Variants in AMBRA1 observed in about 807,000 individuals in gnomAD.
AMBRA1 encodes the protein activating molecule in BECN1-regulated autophagy protein 1.
A neutral mutation model predicts 125.4 loss-of-function variants in AMBRA1; 47 were observed. That is an observed-to-expected ratio of 0.37 (90% CI 0.30 to 0.48). The LOEUF (loss-of-function observed/expected upper bound fraction) is 0.48, where lower values mean the gene tolerates loss of function less well. AMBRA1 is among the 20% of genes least tolerant of loss of function. AMBRA1 has a pLI of 0.99. For synonymous variants in AMBRA1, 626 were observed against 655.5 expected (o/e 0.95, Z 0.69); for missense variants, 1,331 against 1,693.4 (o/e 0.79, Z 3.76).
chr11:46,399,943 C>T (rs1304716907), intron 17 of AMBRA1, among the ~76,000 whole-genome samples: 4 of 152,110 alleles, frequency 2.6e-5, no homozygotes, highest in Admixed American at 2.0e-4. Context: ...CACTTGCTTG[C>T]TGGGTGACCT....
rs369928404 is a variant in AMBRA1 at position 46,545,589 on chromosome 11, G to C, written c.551+15C>G. The C allele has an allele frequency of 6.2e-7, 1 of 1,612,252 alleles. No individual in the cohort carries two copies. The highest frequency in any genetic ancestry group is 1.3e-5 in the African/African-American group (1 of 74,892). On this transcript the variant is annotated intron_variant, in intron 5 of 17. Coordinates refer to ENST00000683756, the MANE Select transcript of AMBRA1 (RefSeq NM_001387011.1). ...AGTCCTGTGCCAGACAATGCAGATGGGGCAGCGCACTCACCGGACCCGTTC... is the reference window on the plus strand; with the variant it reads ...AGTCCTGTGCCAGACAATGCAGATGCGGCAGCGCACTCACCGGACCCGTTC...
chr11:46,569,436 A>ATATATATAT (rs1185545375), intron 1 of AMBRA1, among the ~76,000 whole-genome samples: 2 of 132,516 alleles, frequency 1.5e-5, no homozygotes, highest in Non-Finnish European at 1.6e-5. Context: ...ATTAAAAAAA[A>ATATATATAT]AAAAATATAT....
At position 46,544,053 on chromosome 11, in the gene AMBRA1, GAAGA is replaced by G. The variant is rs1385836048; in HGVS notation, c.552-16_552-13del. On this transcript the variant is annotated splice_polypyrimidine_tract_variant and intron_variant, in intron 5 of 17. Transcript: ENST00000683756. Reference sequence around the variant, plus strand: ...CAAATCTCACCAGACTAAAATCACAGAAGAAAGAGACAAAGACACACATAGAGAG... The same window carrying G: ...CAAATCTCACCAGACTAAAATCACAGAAGAGACAAAGACACACATAGAGAG... The G allele has an allele frequency of 3.7e-6, 6 of 1,609,992 alleles. No individual in the cohort carries two copies. Among genetic ancestry groups the G allele is most frequent in the Non-Finnish European group, 5.1e-6 (6 of 1,176,678 alleles).
At chr11:46,456,804 C>T (rs1948866162) in intron 11 of AMBRA1, among the ~76,000 whole-genome samples, 1 of 152,212 alleles carries the variant, frequency 6.6e-6, no homozygotes, top group Admixed American at 6.5e-5. Flanking sequence ...GTGGGTTTGA[C>T]TGGCAGCTTT....
At chr11:46,449,786 C>T (rs1476683118) in intron 11 of AMBRA1, among the ~76,000 whole-genome samples, 3 of 152,184 alleles carry the variant, frequency 2.0e-5, no homozygotes, top group Admixed American at 6.5e-5. Flanking sequence ...ATAGGCCGGG[C>T]GCAGTGGCTC....
intron 1 of AMBRA1, among the ~76,000 whole-genome samples, chr11:46,576,045 C>A (rs569492762): frequency 1.6e-4 from 25 of 152,284 alleles, no homozygotes; most frequent in Non-Finnish European, 3.2e-4. Context: ...AAATCACACA[C>A]TCTATGGAAG....
intron 7 of AMBRA1, among the ~76,000 whole-genome samples, chr11:46,539,425 C>T (rs1047937219): frequency 3.3e-5 from 5 of 151,908 alleles, no homozygotes; most frequent in Admixed American, 2.6e-4. Flanking sequence ...GGCGTGGTGG[C>T]GCATGCCTAT....
intron 7 of AMBRA1, among the ~76,000 whole-genome samples, chr11:46,535,576 T>C (rs1952433623): frequency 6.6e-6 from 1 of 152,188 alleles, no homozygotes; most frequent in South Asian, 2.1e-4. Flanking sequence ...CATGTAATTT[T>C]TGAACTAAAT....
At chr11:46,402,074 T>G (rs1945791096) in intron 17 of AMBRA1, among the ~76,000 whole-genome samples, 1 of 152,148 alleles carries the variant, frequency 6.6e-6, no homozygotes, top group Admixed American at 6.5e-5. Context: ...CACCCACTTC[T>G]CTCTGGTCCC....
chr11:46,426,775 T>A (rs888873265), intron 14 of AMBRA1, among the ~76,000 whole-genome samples: 1 of 152,246 alleles, frequency 6.6e-6, no homozygotes, highest in Non-Finnish European at 1.5e-5. Flanking sequence ...CAGCTTTTAA[T>A]CAACTGACAG....
chr11:46,456,574 G>A (rs917495292), intron 11 of AMBRA1, among the ~76,000 whole-genome samples: 6 of 152,276 alleles, frequency 3.9e-5, no homozygotes, highest in South Asian at 2.1e-4. Context: ...AAAAGAGAGC[G>A]ACTGACTCAA....
intron 1 of AMBRA1, among the ~76,000 whole-genome samples, chr11:46,589,568 C>T (rs2135344877): frequency 6.6e-6 from 1 of 152,284 alleles, no homozygotes; most frequent in South Asian, 2.1e-4. Context: ...AACAACAAAA[C>T]ATTTTCTCTT....
intron 1 of AMBRA1, among the ~76,000 whole-genome samples, chr11:46,576,942 A>C (rs2043978661): frequency 6.6e-6 from 1 of 152,216 alleles, no homozygotes; most frequent in African/African-American, 2.4e-5. Flanking sequence ...TAATAAAACC[A>C]GTATGTTAGA....
chr11:46,591,208 A>G (rs2044583720), intron 1 of AMBRA1: 1 of 152,246 alleles, frequency 6.6e-6, no homozygotes, highest in African/African-American at 2.4e-5. Flanking sequence ...GAACTTATCA[A>G]TTCCCAGTGG....
At chr11:46,443,678 T>C in intron 11 of AMBRA1, 80 bp from the exon 12 acceptor site, 2 of 1,222,412 alleles carry the variant, frequency 1.6e-6, no homozygotes, top group Non-Finnish European at 2.4e-6. Flanking sequence ...AATACTGGGA[T>C]TAGTAGTGGG....
chr11:46,501,104 G>A (rs1000506242), intron 9 of AMBRA1, among the ~76,000 whole-genome samples: 1 of 152,148 alleles, frequency 6.6e-6, no homozygotes, highest in African/African-American at 2.4e-5. Context: ...AATATTCCAT[G>A]CTGTTTCATG....
chr11:46,561,790 C>G (rs1372185813), intron 1 of AMBRA1, among the ~76,000 whole-genome samples: 1 of 152,120 alleles, frequency 6.6e-6, no homozygotes, highest in East Asian at 1.9e-4. Flanking sequence ...CCTACCATGC[C>G]AATCACATTT....
chr11:46,582,838 T>C (rs2044224563), intron 1 of AMBRA1, among the ~76,000 whole-genome samples: 1 of 151,842 alleles, frequency 6.6e-6, no homozygotes, highest in Middle Eastern at 3.2e-3. Flanking sequence ...AACCAATATT[T>C]GCTAGATAAA....
At chr11:46,416,990 A>G (rs1946575147) in intron 15 of AMBRA1, among the ~76,000 whole-genome samples, 1 of 152,154 alleles carries the variant, frequency 6.6e-6, no homozygotes, top group Non-Finnish European at 1.5e-5. Flanking sequence ...GACTTCAGAC[A>G]CAAATCCCCT....
Sources: gnomAD v4.1 joint callset for allele counts (sites outside exome capture counted in the v4.1 genomes callset) on GRCh38, gnomAD v4.1.1 for gene constraint, MANE v1.5 for transcripts, NCBI Gene and HGNC (gene_info 2026-07-23, HGNC 2026-07-21) for gene names.